Variants in GALNTL6 observed in about 807,000 individuals in gnomAD.
GALNTL6 encodes the protein polypeptide N-acetylgalactosaminyltransferase like 6.
GALNTL6 carries 46 observed loss-of-function variants against 73.7 expected under a neutral mutation model. The observed-to-expected ratio is 0.62, with a 90% CI of 0.49 to 0.80. The LOEUF (loss-of-function observed/expected upper bound fraction) is 0.80, where lower values mean the gene tolerates loss of function less well. Among genes scored for constraint, GALNTL6 ranks in the 30% least tolerant of loss-of-function variants. GALNTL6 has a pLI of 0.00. For synonymous variants in GALNTL6, 259 were observed against 263.7 expected, an observed-to-expected ratio of 0.98 and a Z score of 0.17; for missense variants, 604 against 755.0, an observed-to-expected ratio of 0.80 and a Z score of 2.34.
chr4:172,156,555 A>ATATATAGTATATATG lies in GALNTL6; in HGVS notation c.139-73095_139-73094insGTATATATGTATATA, dbSNP rs1553997735. Among the ~76,000 whole-genome samples, 30 of 136,448 alleles carry ATATATAGTATATATG rather than the reference A, an allele frequency of 2.2e-4. 1 individual carries two copies. Among genetic ancestry groups the ATATATAGTATATATG allele is most frequent in the African/African-American group, 8.2e-4 (28 of 34,346 alleles). 89.5% of individuals were successfully genotyped at this position (136,448 alleles called of 152,430 possible). On this transcript the variant is annotated intron_variant, in intron 2 of 12. Transcript: ENST00000506823. ...ATATATATATAATATATATATATAT[A>ATATATAGTATATATG]TATATATATATACATACTATATATA...
chr4:172,915,425 C>CA, intron 8 of GALNTL6, among the ~76,000 whole-genome samples: 1 of 152,036 alleles, frequency 6.6e-6, no homozygotes, highest in South Asian at 2.1e-4. Context: ...GATAGAGACA[C>CA]AAAAAAACCT....
intron 5 of GALNTL6, among the ~76,000 whole-genome samples, chr4:172,358,418 A>G (rs1184577787): frequency 6.6e-6 from 1 of 152,274 alleles, no homozygotes; most frequent in African/African-American, 2.4e-5. Flanking sequence ...GGTCCAACCC[A>G]TGGCCTGCAG....
chr4:173,030,614 C>G (rs1488849735), intron 12 of GALNTL6, among the ~76,000 whole-genome samples: 1 of 151,970 alleles, frequency 6.6e-6, no homozygotes, highest in Non-Finnish European at 1.5e-5. Flanking sequence ...TCCTACCAAG[C>G]AGGTGCGGGG....
chr4:172,136,552 A>G (rs1244388358), intron 2 of GALNTL6, among the ~76,000 whole-genome samples: 1 of 152,088 alleles, frequency 6.6e-6, no homozygotes, highest in Non-Finnish European at 1.5e-5. Context: ...TCTAAAGATC[A>G]GAAAATGTTT....
At chr4:171,951,496 T>C (rs1397353011) in intron 2 of GALNTL6, among the ~76,000 whole-genome samples, 1 of 151,944 alleles carries the variant, frequency 6.6e-6, no homozygotes, top group Non-Finnish European at 1.5e-5. Flanking sequence ...TAAGAGATTA[T>C]AAAAATCACG....
At chr4:172,217,789 C>G (rs1183279556) in intron 2 of GALNTL6, among the ~76,000 whole-genome samples, 1 of 152,118 alleles carries the variant, frequency 6.6e-6, no homozygotes, top group Non-Finnish European at 1.5e-5. Context: ...TCTCGTCAGA[C>G]TGTTAGGATA....
chr4:172,766,988 T>C lies in GALNTL6; in HGVS notation c.554-42373T>C, dbSNP rs142235634. Among the ~76,000 whole-genome samples, 432 of 152,348 alleles carry C rather than the reference T, an allele frequency of 2.8e-3. 1 individual carries two copies. Among genetic ancestry groups the C allele is most frequent in the African/African-American group, 9.4e-3 (391 of 41,576 alleles). On this transcript the variant is annotated intron_variant, in intron 5 of 12. Transcript: ENST00000506823. ...TTTGTATTCTACTCAATGATTTACATACTGATGAGGCTATGAGAACCCAGA... is the reference window on the plus strand; with the variant it reads ...TTTGTATTCTACTCAATGATTTACACACTGATGAGGCTATGAGAACCCAGA...
chr4:172,414,163 G>GT (rs1277271853), intron 5 of GALNTL6, among the ~76,000 whole-genome samples: 7 of 152,092 alleles, frequency 4.6e-5, no homozygotes, highest in African/African-American at 1.4e-4. Context: ...ACCCAAACTA[G>GT]TAGTCATAAG....
intron 9 of GALNTL6, among the ~76,000 whole-genome samples, chr4:172,944,513 T>G (rs151160745): frequency 2.4e-4 from 37 of 152,364 alleles, no homozygotes; most frequent in Non-Finnish European, 2.9e-5. Context: ...CTAATGGGAA[T>G]GTAAAATGGT....
At chr4:172,073,582 C>T (rs1731618538) in intron 2 of GALNTL6, among the ~76,000 whole-genome samples, 1 of 152,152 alleles carries the variant, frequency 6.6e-6, no homozygotes, top group Non-Finnish European at 1.5e-5. Flanking sequence ...ATAAACACCT[C>T]CTTCCCTCTA....
intron 5 of GALNTL6, among the ~76,000 whole-genome samples, chr4:172,532,467 A>G (rs914533071): frequency 4.6e-5 from 7 of 152,220 alleles, no homozygotes; most frequent in Admixed American, 2.6e-4. Context: ...CAGAATTGTG[A>G]GACAATCATA....
chr4:172,423,182 A>G (rs1731109629), intron 5 of GALNTL6, among the ~76,000 whole-genome samples: 1 of 151,930 alleles, frequency 6.6e-6, no homozygotes, highest in African/African-American at 2.4e-5. Flanking sequence ...GTTATGCAAT[A>G]ACATTGTATC....
intron 2 of GALNTL6, among the ~76,000 whole-genome samples, chr4:172,186,402 G>A (rs990826563): frequency 6.6e-6 from 1 of 152,072 alleles, no homozygotes; most frequent in Non-Finnish European, 1.5e-5. Flanking sequence ...TTACCATATG[G>A]CCCAGGAATT....
intron 5 of GALNTL6, among the ~76,000 whole-genome samples, chr4:172,721,502 T>C (rs17058798): frequency 0.44 from 67,348 of 152,142 alleles, 17,571 homozygotes; most frequent in East Asian, 0.68. Context: ...TTAAAAAACA[T>C]AGGGAAACTA....
At chr4:171,930,480 TA>T (rs1172979737) in intron 2 of GALNTL6, among the ~76,000 whole-genome samples, 1 of 152,148 alleles carries the variant, frequency 6.6e-6, no homozygotes, top group African/African-American at 2.4e-5. Context: ...AAAAGCCATA[TA>T]TGGCAAACCT....
intron 11 of GALNTL6, among the ~76,000 whole-genome samples, chr4:173,015,208 G>C (rs1296236260): frequency 2.0e-5 from 3 of 152,160 alleles, no homozygotes; most frequent in Non-Finnish European, 2.9e-5. Flanking sequence ...CTCAGTCTCA[G>C]GTATGTCTTT....
At chr4:171,984,663 G>A (rs1349328567) in intron 2 of GALNTL6, among the ~76,000 whole-genome samples, 1 of 152,106 alleles carries the variant, frequency 6.6e-6, no homozygotes, top group Non-Finnish European at 1.5e-5. Context: ...GGCTATAATT[G>A]TGTTTCTAAA....
chr4:172,380,275 A>G (rs1424530714), intron 5 of GALNTL6: 27 of 801,786 alleles, frequency 3.4e-5, no homozygotes, highest in South Asian at 2.5e-4. Context: ...TTTTGGTCAT[A>G]AAACGCACTT....
At chr4:172,421,710 A>G (rs1731056904) in intron 5 of GALNTL6, among the ~76,000 whole-genome samples, 2 of 152,100 alleles carry the variant, frequency 1.3e-5, no homozygotes, top group Admixed American at 6.6e-5. Context: ...GTAGTTCTCC[A>G]TGAGGGATTA....
Sources: allele counts gnomAD v4.1 joint callset (sites outside exome capture counted in the v4.1 genomes callset), GRCh38; gene constraint gnomAD v4.1.1; transcripts MANE v1.5; gene names NCBI Gene and HGNC (gene_info 2026-07-23, HGNC 2026-07-21).